The following CACNB4 variants were observed in gnomAD, a reference collection of about 807,000 sequenced individuals.
CACNB4 encodes voltage-dependent L-type calcium channel subunit beta-4.
Under a neutral mutation model 71.2 loss-of-function variants are expected in CACNB4, and 32 were observed. The ratio of observed to expected loss-of-function variants is 0.45; its 90% CI spans 0.34 to 0.60. CACNB4 has a LOEUF of 0.60. Ranked by LOEUF, CACNB4 falls within the 20% of genes least tolerant of loss-of-function variation. The pLI is 0.01. For missense variants in CACNB4, 464 were observed against 647.9 expected (o/e 0.72, Z 3.08); for synonymous variants, 231 against 236.9 (o/e 0.97, Z 0.23).
chr2:151,934,599 G>A (rs2099862447), intron 2 of CACNB4, among the ~76,000 whole-genome samples: 2 of 152,206 alleles, frequency 1.3e-5, no homozygotes, highest in Non-Finnish European at 2.9e-5. Flanking sequence ...GGCACTTTGG[G>A]AGGCCGAGGT....
At chr2:152,035,616 T>TCTCC (rs1384631341) in intron 2 of CACNB4, among the ~76,000 whole-genome samples, 1 of 87,986 alleles carries the variant, frequency 1.1e-5, no homozygotes, top group African/African-American at 4.0e-5. Flanking sequence ...TCTCTCTCTC[T>TCTCC]CTCCCTCCCT....
At chr2:152,003,111 C>A (rs1408889470) in intron 2 of CACNB4, among the ~76,000 whole-genome samples, 3 of 152,150 alleles carry the variant, frequency 2.0e-5, no homozygotes, top group Non-Finnish European at 4.4e-5. Context: ...AATTTAAAGA[C>A]ATTCATCTAT....
At chr2:152,015,572 G>C (rs1416328143) in intron 2 of CACNB4, among the ~76,000 whole-genome samples, 1 of 152,206 alleles carries the variant, frequency 6.6e-6, no homozygotes, top group East Asian at 1.9e-4. Context: ...CAAGACATGG[G>C]ATTTGCTTTG....
At chr2:151,880,518 G>T in intron 4 of CACNB4, 1 of 418,970 alleles carries the variant, frequency 2.4e-6, no homozygotes, top group South Asian at 2.7e-5. Context: ...AGTCACAGAA[G>T]GGGATTTAAA....
intron 4 of CACNB4, among the ~76,000 whole-genome samples, chr2:151,879,190 C>T (rs1296737468): frequency 6.6e-6 from 1 of 152,202 alleles, no homozygotes; most frequent in Non-Finnish European, 1.5e-5. Context: ...AATGAAGTGG[C>T]ATAGCCCACT....
intron 2 of CACNB4, among the ~76,000 whole-genome samples, chr2:152,026,638 C>T (rs569739337): frequency 6.6e-6 from 1 of 152,172 alleles, no homozygotes; most frequent in East Asian, 1.9e-4. Context: ...CCTCGGCCTC[C>T]CAAAGTGCTG....
chr2:151,835,379 T>C lies in CACNB4; in HGVS notation c.*3740A>G, dbSNP rs1286783701. The stretch of plus-strand genomic sequence containing the variant: ...TATTTTAATAATCTATGTATTTAGC[T>C]TTGCAGCAAGGTTAGCCAGAATAGT... On this transcript the variant is annotated 3_prime_UTR_variant, in exon 14 of 14. Transcript: ENST00000539935. 6.6e-6 allele frequency: 1 copy of C among 151,938 alleles called. No individual in the cohort carries two copies. The highest frequency in any genetic ancestry group is 2.4e-5 in the African/African-American group (1 of 41,448). The allele number at this position is 151,938 out of a possible 1,614,324, so 9.4% of individuals were successfully genotyped here.
At chr2:151,971,376 T>C (rs2099872504) in intron 2 of CACNB4, 1 of 628,012 alleles carries the variant, frequency 1.6e-6, no homozygotes, top group Non-Finnish European at 2.9e-6. Context: ...CGGTAGGACA[T>C]ATGCGGATGG....
chr2:151,969,851 T>TA (rs1488420309), intron 2 of CACNB4: 4 of 152,238 alleles, frequency 2.6e-5, no homozygotes, highest in Non-Finnish European at 5.9e-5. Flanking sequence ...AACTTTTACA[T>TA]ACATAAAATT....
chr2:151,972,575 G>A (rs953173150), intron 2 of CACNB4: 1 of 152,228 alleles, frequency 6.6e-6, no homozygotes, highest in African/African-American at 2.4e-5. Flanking sequence ...TAGAGTTAGA[G>A]AAAACACACA....
intron 2 of CACNB4, among the ~76,000 whole-genome samples, chr2:152,086,158 C>T (rs1162437513): frequency 2.0e-5 from 3 of 152,088 alleles, no homozygotes; most frequent in African/African-American, 7.2e-5. Flanking sequence ...CTTACAATAT[C>T]GATTTGACAG....
intron 13 of CACNB4, 150 bp from the exon 14 acceptor site, chr2:151,839,529 T>C: frequency 6.2e-6 from 4 of 645,864 alleles, no homozygotes; most frequent in Non-Finnish European, 1.1e-5. Context: ...CTGCTTAGAA[T>C]ATCTGGTCTT....
intron 2 of CACNB4, among the ~76,000 whole-genome samples, chr2:152,001,720 A>T (rs1467796819): frequency 3.9e-5 from 2 of 51,550 alleles, no homozygotes; most frequent in African/African-American, 6.7e-5. Context: ...TCTCGAAAGA[A>T]AAAAAAAAAA....
In CACNB4 at chr2:152,053,760, G is replaced by A. The variant is rs144939322; in HGVS notation, c.147+44570C>T. ...GCCTGTCTCCAACTCCTGGGCTCAA[G>A]CAATCCTCCTGCCTCACCCTCCCAA... On this transcript the variant is annotated intron_variant, in intron 2 of 13. Coordinates refer to ENST00000539935, the MANE Select transcript of CACNB4 (RefSeq NM_000726.5). Among the ~76,000 whole-genome samples the A allele has an allele frequency of 1.7e-3, 261 of 152,206 alleles. 1 individual carries two copies. Among genetic ancestry groups the A allele is most frequent in the African/African-American group, 6.0e-3 (251 of 41,550 alleles).
chr2:152,051,405 T>C (rs1252158873), intron 2 of CACNB4, among the ~76,000 whole-genome samples: 1 of 152,190 alleles, frequency 6.6e-6, no homozygotes, highest in Admixed American at 6.5e-5. Context: ...AGAGAAATAC[T>C]TGGTATGGAC....
chr2:151,839,259 A>G lies in CACNB4; in HGVS notation c.1423T>C (p.Ser475Pro). 1 of 1,613,888 alleles carries G rather than the reference A, an allele frequency of 6.2e-7. No individual in the cohort carries two copies. The highest frequency in any genetic ancestry group is 8.5e-7 in the Non-Finnish European group (1 of 1,179,790). Residue 475 changes from serine to proline, a missense_variant, in exon 14 of 14, where the codon TCT becomes CCT. By Grantham distance (74) the Ser-to-Pro change is moderately conservative. Coordinates refer to ENST00000539935, the MANE Select transcript of CACNB4 (RefSeq NM_000726.5). ...ERARKSRNRLSSSSQHSRDHY... is the reference protein window; with the variant it reads ...ERARKSRNRLPSSSQHSRDHY... ...TCTCGGCTATGCTGAGAACTGGAAGACAAGCGGTTCCTACTCTTCCGAGCC... is the reference window on the plus strand; with the variant it reads ...TCTCGGCTATGCTGAGAACTGGAAGGCAAGCGGTTCCTACTCTTCCGAGCC...
chr2:151,879,641 A>C (rs1354565819), intron 4 of CACNB4: 1 of 152,198 alleles, frequency 6.6e-6, no homozygotes, highest in Non-Finnish European at 1.5e-5. Context: ...GGATTTCCCT[A>C]AAATGATTAG....
chr2:151,954,954 T>C (rs149119268), intron 2 of CACNB4, among the ~76,000 whole-genome samples: 27 of 149,414 alleles, frequency 1.8e-4, no homozygotes, highest in African/African-American at 3.5e-4. Context: ...CCCAGGTTCA[T>C]GCCATTCTCC....
chr2:151,994,289 G>GTACAATCTTGGCTCACTGCAACCTC (rs1480423025), intron 2 of CACNB4, among the ~76,000 whole-genome samples: 1 of 151,478 alleles, frequency 6.6e-6, no homozygotes, highest in Admixed American at 6.6e-5. Context: ...GAGTGCAGTG[G>GTACAATCTTGGCTCACTGCAACCTC]CATGATCATG....
Sources: gnomAD v4.1 joint callset for allele counts (sites outside exome capture counted in the v4.1 genomes callset) on GRCh38, gnomAD v4.1.1 for gene constraint, MANE v1.5 for transcripts, NCBI Gene and HGNC (gene_info 2026-07-23, HGNC 2026-07-21) for gene names.